The following ZC3H12B variants were observed in gnomAD, a reference collection of about 807,000 sequenced individuals.
ZC3H12B encodes probable ribonuclease ZC3H12B.
ZC3H12B carries 7 observed loss-of-function variants against 43.9 expected under a neutral mutation model. The ratio of observed to expected loss-of-function variants is 0.16; its 90% CI spans 0.09 to 0.30. ZC3H12B has a LOEUF of 0.30. Among genes scored for constraint, ZC3H12B ranks in the 10% least tolerant of loss-of-function variants. The pLI is 1.00. For synonymous variants in ZC3H12B, 222 were observed against 241.7 expected, an observed-to-expected ratio of 0.92 and a Z score of 0.76; for missense variants, 475 against 670.2, an observed-to-expected ratio of 0.71 and a Z score of 3.22.
chrX:65,286,591 A>G, the ZC3H12B span, among the ~76,000 whole-genome samples: 1 of 110,853 alleles, frequency 9.0e-6, no homozygotes, highest in Admixed American at 9.6e-5. Context: ...GAATATCTGG[A>G]TGTGTGTGTA....
chrX:65,096,359 C>A, the ZC3H12B span, among the ~76,000 whole-genome samples: 1 of 110,939 alleles, frequency 9.0e-6, no homozygotes, highest in Non-Finnish European at 1.9e-5. Flanking sequence ...TGCACATGTA[C>A]CCCAGAACTA....
At chrX:65,103,186 C>G in the ZC3H12B span, among the ~76,000 whole-genome samples, 6 of 111,315 alleles carry the variant, frequency 5.4e-5, no homozygotes, top group Admixed American at 9.5e-5. Context: ...CTGTATAAGA[C>G]AGACATTCCC....
At chrX:65,175,584 C>A in the ZC3H12B span, among the ~76,000 whole-genome samples, 1 of 111,998 alleles carries the variant, frequency 8.9e-6, no homozygotes, top group Non-Finnish European at 1.9e-5. Context: ...AAACTGGTAG[C>A]TGGCAAGATG....
the ZC3H12B span, among the ~76,000 whole-genome samples, chrX:65,124,824 T>G: frequency 1.7e-4 from 19 of 111,191 alleles, no homozygotes; most frequent in Non-Finnish European, 7.6e-5. Flanking sequence ...GTTGTATCAG[T>G]TTTAATATCT....
the ZC3H12B span, among the ~76,000 whole-genome samples, chrX:65,163,652 G>A: frequency 9.0e-6 from 1 of 111,703 alleles, no homozygotes; most frequent in Non-Finnish European, 1.9e-5. Context: ...GGAGTGACCT[G>A]ATTTTCCAGG....
the ZC3H12B span, among the ~76,000 whole-genome samples, chrX:65,130,626 A>T: frequency 9.0e-6 from 1 of 111,695 alleles, no homozygotes; most frequent in Non-Finnish European, 1.9e-5. Flanking sequence ...AAAGGAAATG[A>T]GAGGTTCTAA....
At chrX:65,408,073 C>G in intron 3 of ZC3H12B, 4 of 1,186,940 alleles carry the variant, frequency 3.4e-6, no homozygotes, top group Non-Finnish European at 4.5e-6. Context: ...CCCCGGCCGC[C>G]GCCAGCGCGA....
chrX:65,246,250 G>A, the ZC3H12B span, among the ~76,000 whole-genome samples: 1 of 111,438 alleles, frequency 9.0e-6, no homozygotes, highest in Non-Finnish European at 1.9e-5. Context: ...ATTGCTGAAG[G>A]AAATCATACA....
At chrX:65,268,788 T>C in the ZC3H12B span, among the ~76,000 whole-genome samples, 1 of 111,535 alleles carries the variant, frequency 9.0e-6, no homozygotes, top group African/African-American at 3.3e-5. Context: ...CCTACTATAA[T>C]CAATGGGAAA....
the ZC3H12B span, among the ~76,000 whole-genome samples, chrX:65,346,311 G>A: frequency 9.3e-6 from 1 of 107,363 alleles, no homozygotes; most frequent in Non-Finnish European, 1.9e-5. Context: ...ACATAAACCA[G>A]CAGTAAAACC....
At chrX:65,080,775 C>T in the ZC3H12B span, among the ~76,000 whole-genome samples, 1 of 111,458 alleles carries the variant, frequency 9.0e-6, no homozygotes, top group South Asian at 3.7e-4. Flanking sequence ...ATCAAGTAAT[C>T]ACCTGAAGGT....
At chrX:65,158,468 C>G in the ZC3H12B span, among the ~76,000 whole-genome samples, 121 of 111,978 alleles carry the variant, frequency 1.1e-3, no homozygotes, top group African/African-American at 3.9e-3. Flanking sequence ...GTCATTCTAA[C>G]TGGTGTGAGA....
the ZC3H12B span, among the ~76,000 whole-genome samples, chrX:65,310,385 T>G: frequency 4.5e-5 from 5 of 111,236 alleles, no homozygotes; most frequent in Non-Finnish European, 9.4e-5. Flanking sequence ...AAATCATGAG[T>G]GAACTCCCAT....
chrX:65,432,445 G>A (rs926965422), intron 3 of ZC3H12B, among the ~76,000 whole-genome samples: 7 of 111,567 alleles, frequency 6.3e-5, no homozygotes, highest in Admixed American at 1.9e-4. Context: ...ACTCCAAACA[G>A]CATCTCTATC....
chrX:65,186,708 C>T, the ZC3H12B span, among the ~76,000 whole-genome samples: 1 of 110,396 alleles, frequency 9.1e-6, no homozygotes, highest in African/African-American at 3.3e-5. Flanking sequence ...TCCCAAGTCC[C>T]TGAAGTCCAG....
At chrX:65,284,734 C>T in the ZC3H12B span, among the ~76,000 whole-genome samples, 80 of 107,692 alleles carry the variant, frequency 7.4e-4, no homozygotes, top group African/African-American at 2.6e-3. Context: ...GCACTCCAGC[C>T]TAAACAAAAA....
intron 3 of ZC3H12B, among the ~76,000 whole-genome samples, chrX:65,439,242 GA>G (rs1420852758): frequency 8.9e-6 from 1 of 111,750 alleles, no homozygotes; most frequent in African/African-American, 3.3e-5. Flanking sequence ...TAAGCTCCTA[GA>G]GCCAGCCATA....
the ZC3H12B span, among the ~76,000 whole-genome samples, chrX:65,212,216 T>C: frequency 2.2e-5 from 1 of 45,855 alleles, no homozygotes; most frequent in Non-Finnish European, 3.5e-5. Flanking sequence ...ATATAATATA[T>C]TATATATTAT....
chrX:65,227,935 G>T, the ZC3H12B span, among the ~76,000 whole-genome samples: 2 of 111,732 alleles, frequency 1.8e-5, no homozygotes, highest in Non-Finnish European at 3.8e-5. Context: ...TGGATTCACA[G>T]CCGAATTCTA....
Sources: allele counts gnomAD v4.1 joint callset (sites outside exome capture counted in the v4.1 genomes callset), GRCh38; gene constraint gnomAD v4.1.1; transcripts MANE v1.5; gene names NCBI Gene and HGNC (gene_info 2026-07-23, HGNC 2026-07-21).